Variants in SENP7 observed in about 807,000 individuals in gnomAD.
The protein encoded by SENP7 is sentrin-specific protease 7.
A neutral mutation model predicts 141.2 loss-of-function variants in SENP7; 64 were observed. The ratio of observed to expected loss-of-function variants is 0.45; its 90% CI spans 0.37 to 0.56. The LOEUF (loss-of-function observed/expected upper bound fraction) is 0.56, where lower values mean the gene tolerates loss of function less well. SENP7 is among the 20% of genes least tolerant of loss of function. The pLI is 0.00. For synonymous variants in SENP7, 382 were observed against 426.4 expected (o/e 0.90, Z 1.28); for missense variants, 1,025 against 1,212.2 (o/e 0.85, Z 2.29).
At position 101,478,355 on chromosome 3, in the gene SENP7, C is replaced by G. The variant is rs376224325; in HGVS notation, c.186+15518G>C. ...CAATACAGCAAGACCCCACCTCTAC[C>G]AAAAAAAAATTTTTAATTAGCCAGC... On this transcript the variant is annotated intron_variant, in intron 3 of 23. Coordinates refer to ENST00000394095, the MANE Select transcript of SENP7 (RefSeq NM_020654.5). Among the ~76,000 whole-genome samples, 184 of 151,376 alleles carry G rather than the reference C, an allele frequency of 1.2e-3. 1 individual carries two copies. Among genetic ancestry groups the G allele is most frequent in the African/African-American group, 4.3e-3 (177 of 41,366 alleles).
intron 2 of SENP7, among the ~76,000 whole-genome samples, chr3:101,496,153 G>A (rs2065150842): frequency 6.6e-6 from 1 of 152,106 alleles, no homozygotes. Flanking sequence ...TATTAATTCT[G>A]GTTGTGTCTG....
At chr3:101,442,242 A>G (rs1317767551) in intron 4 of SENP7, among the ~76,000 whole-genome samples, 1 of 152,192 alleles carries the variant, frequency 6.6e-6, no homozygotes, top group Non-Finnish European at 1.5e-5. Context: ...ATAATTATCT[A>G]AGGCAGCGAT....
chr3:101,448,857 C>T (rs144626219), intron 4 of SENP7, among the ~76,000 whole-genome samples: 22,430 of 152,054 alleles, frequency 0.15, 1,676 homozygotes, highest in South Asian at 0.18. Flanking sequence ...TCACCAGCAA[C>T]GGAACAAAGC....
chr3:101,350,670 T>C (rs1463104150), intron 12 of SENP7, among the ~76,000 whole-genome samples: 1 of 152,058 alleles, frequency 6.6e-6, no homozygotes, highest in Non-Finnish European at 1.5e-5. Context: ...ATCGCAAGAA[T>C]TTGAGAGGCA....
At chr3:101,465,956 A>G (rs2063744251) in intron 3 of SENP7, among the ~76,000 whole-genome samples, 1 of 152,166 alleles carries the variant, frequency 6.6e-6, no homozygotes, top group South Asian at 2.1e-4. Flanking sequence ...ATCATTTAAA[A>G]CGTCCTACAA....
chr3:101,409,825 TA>T (rs2061404049), intron 5 of SENP7, among the ~76,000 whole-genome samples: 1 of 152,190 alleles, frequency 6.6e-6, no homozygotes. Flanking sequence ...CCTGAATCTA[TA>T]AAAATTTTAG....
chr3:101,376,997 A>C (rs554699785), intron 6 of SENP7, among the ~76,000 whole-genome samples: 1 of 152,308 alleles, frequency 6.6e-6, no homozygotes, highest in Non-Finnish European at 1.5e-5. Flanking sequence ...GAAGAAAAAC[A>C]CTATATTTAT....
chr3:101,326,772 T>A (rs1293837662), intron 23 of SENP7, among the ~76,000 whole-genome samples: 1 of 152,168 alleles, frequency 6.6e-6, no homozygotes, highest in Non-Finnish European at 1.5e-5. Flanking sequence ...AAATACTGTC[T>A]CTGCCCTATT....
At chr3:101,512,283 G>A (rs2065893184) in intron 1 of SENP7, among the ~76,000 whole-genome samples, 1 of 152,192 alleles carries the variant, frequency 6.6e-6, no homozygotes, top group African/African-American at 2.4e-5. Flanking sequence ...CTTAACACAA[G>A]GACTTGAGGA....
intron 11 of SENP7, chr3:101,357,442 G>A (rs562552611): frequency 2.6e-5 from 27 of 1,044,252 alleles, no homozygotes; most frequent in East Asian, 4.9e-5. Context: ...CTTTGACTAC[G>A]AAGAGACATA....
At chr3:101,445,792 C>A (rs575980659) in intron 4 of SENP7, among the ~76,000 whole-genome samples, 37 of 152,110 alleles carry the variant, frequency 2.4e-4, no homozygotes, top group South Asian at 6.2e-4. Flanking sequence ...TACAAAGAAA[C>A]AAAAAGGTCA....
chr3:101,513,029 G>A (rs2065929542), intron 1 of SENP7, 62 bp downstream of exon 1: 4 of 1,570,392 alleles, frequency 2.5e-6, no homozygotes, highest in Non-Finnish European at 2.6e-6. Context: ...GCTGCCGCCT[G>A]CGCCTCCCGT....
At chr3:101,429,891 T>TA (rs1403292974) in intron 4 of SENP7, among the ~76,000 whole-genome samples, 1 of 152,228 alleles carries the variant, frequency 6.6e-6, no homozygotes, top group African/African-American at 2.4e-5. Flanking sequence ...TGAGAGTTTT[T>TA]AGCATGAAGG....
chr3:101,469,550 C>T (rs1338168864), intron 3 of SENP7, among the ~76,000 whole-genome samples: 2 of 89,822 alleles, frequency 2.2e-5, no homozygotes, highest in South Asian at 3.8e-4. Context: ...CACGGCCGGG[C>T]GCGATGGCTC....
intron 12 of SENP7, among the ~76,000 whole-genome samples, chr3:101,351,133 T>A (rs894798433): frequency 6.6e-6 from 1 of 152,004 alleles, no homozygotes; most frequent in South Asian, 2.1e-4. Flanking sequence ...CTTAGTGTCA[T>A]AATTTATTCT....
At chr3:101,431,182 G>T (rs905083794) in intron 4 of SENP7, among the ~76,000 whole-genome samples, 60 of 152,314 alleles carry the variant, frequency 3.9e-4, no homozygotes, top group African/African-American at 1.3e-3. Flanking sequence ...GAGTTCTTTA[G>T]ATGTCTATTA....
chr3:101,356,218 G>A (rs1306607959), intron 11 of SENP7, among the ~76,000 whole-genome samples: 3 of 152,020 alleles, frequency 2.0e-5, no homozygotes, highest in South Asian at 2.1e-4. Context: ...TAACTACAAA[G>A]AGCCTCTCCA....
At chr3:101,382,148 G>A (rs1317191729) in intron 6 of SENP7, among the ~76,000 whole-genome samples, 4 of 152,014 alleles carry the variant, frequency 2.6e-5, no homozygotes, top group Admixed American at 1.3e-4. Flanking sequence ...TATTACTTTT[G>A]TAAAACATAA....
chr3:101,397,208 T>G (rs377300169), intron 6 of SENP7, among the ~76,000 whole-genome samples: 1 of 152,278 alleles, frequency 6.6e-6, no homozygotes, highest in South Asian at 2.1e-4. Flanking sequence ...CATAGCTCAC[T>G]GCAATCTTGA....
Sources: allele counts gnomAD v4.1 joint callset (sites outside exome capture counted in the v4.1 genomes callset), GRCh38; gene constraint gnomAD v4.1.1; transcripts MANE v1.5; gene names NCBI Gene and HGNC (gene_info 2026-07-23, HGNC 2026-07-21).